The following ZNF782 variants were observed in gnomAD, a reference collection of about 807,000 sequenced individuals.
The protein encoded by ZNF782 is zinc finger protein 782.
Under a neutral mutation model 13.0 loss-of-function variants are expected in ZNF782, and 12 were observed. The observed-to-expected ratio is 0.92, with a 90% confidence interval of 0.59 to 1.50. The LOEUF (loss-of-function observed/expected upper bound fraction) is 1.50, where lower values mean the gene tolerates loss of function less well. Ranked by LOEUF, ZNF782 falls within the 40% of genes most tolerant of loss-of-function variation. The pLI, the probability that ZNF782 is intolerant of heterozygous loss-of-function variation, is 0.00. For synonymous variants in ZNF782, 284 were observed against 283.0 expected, an observed-to-expected ratio of 1.00 and a Z score of -0.04; for missense variants, 770 against 822.9, an observed-to-expected ratio of 0.94 and a Z score of 0.79.
upstream of ZNF782, among the ~76,000 whole-genome samples, chr9:96,880,347 T>A (rs1851947639): frequency 6.6e-6 from 1 of 152,234 alleles, no homozygotes; most frequent in African/African-American, 2.4e-5. Context: ...TCAGACACAC[T>A]TGCCTTGGTC....
At chr9:96,837,073 C>T (rs1193453810) in intron 4 of ZNF782, among the ~76,000 whole-genome samples, 2 of 152,196 alleles carry the variant, frequency 1.3e-5, no homozygotes, top group African/African-American at 4.8e-5. Flanking sequence ...ACAAACTGGA[C>T]TGAGACACTC....
chr9:96,847,058 A>G (rs1027827263), intron 3 of ZNF782, among the ~76,000 whole-genome samples: 6 of 152,220 alleles, frequency 3.9e-5, no homozygotes, highest in East Asian at 1.9e-4. Context: ...ATAAAAATAC[A>G]TGGAAATGAA....
intron 4 of ZNF782, among the ~76,000 whole-genome samples, chr9:96,834,311 C>T (rs1438862196): frequency 6.6e-6 from 1 of 152,182 alleles, no homozygotes; most frequent in Non-Finnish European, 1.5e-5. Flanking sequence ...CATTCTCTCT[C>T]CTGCTGCCCT....
chr9:96,882,842 T>C, the ZNF782 span, among the ~76,000 whole-genome samples: 1 of 152,244 alleles, frequency 6.6e-6, no homozygotes, highest in Non-Finnish European at 1.5e-5. Flanking sequence ...GCTGAAGTTT[T>C]TCTTCACCTT....
rs1224077856 is a variant in ZNF782 at position 96,851,987 on chromosome 9, G to C, written c.-26C>G. The C allele has an allele frequency of 5.6e-6, 9 of 1,613,344 alleles. No homozygotes were observed. The highest frequency in any genetic ancestry group is 7.6e-6 in the Non-Finnish European group (9 of 1,179,448). On this transcript the variant is annotated 5_prime_UTR_variant, in exon 3 of 6. Transcript: ENST00000481138. The stretch of plus-strand genomic sequence containing the variant: ...TTTCTGTGGCTCTTGGGAGAGTATA[G>C]AGAACTGTAAAGCCTCAGCTGGGGG...
the ZNF782 span, among the ~76,000 whole-genome samples, chr9:96,908,243 C>T: frequency 4.0e-4 from 60 of 149,084 alleles, 1 homozygote; most frequent in East Asian, 1.8e-3. Flanking sequence ...AATCATGGCT[C>T]GCTGCAGCCT....
chr9:96,894,204 GA>G, the ZNF782 span: 1 of 152,114 alleles, frequency 6.6e-6, no homozygotes, highest in African/African-American at 2.4e-5. Flanking sequence ...GGGATGGGAA[GA>G]GGGGGGAAGG....
chr9:96,835,964 C>A (rs1260012507), intron 4 of ZNF782, among the ~76,000 whole-genome samples: 4 of 152,188 alleles, frequency 2.6e-5, no homozygotes, highest in African/African-American at 9.7e-5. Context: ...CAGTAGCATG[C>A]AATCTCAGTC....
At chr9:96,857,680 A>T (rs1486521654), upstream of ZNF782, among the ~76,000 whole-genome samples, 1 of 152,204 alleles carries the variant, frequency 6.6e-6, no homozygotes, top group Non-Finnish European at 1.5e-5. Flanking sequence ...CTCTGAGAAC[A>T]TTTAATCTGA....
chr9:96,844,331 G>GA (rs1158164135), intron 4 of ZNF782, among the ~76,000 whole-genome samples: 2 of 152,072 alleles, frequency 1.3e-5, no homozygotes, highest in South Asian at 2.1e-4. Context: ...CACCAACTGG[G>GA]AAAAAATTCC....
chr9:96,895,877 TA>T, the ZNF782 span: 1 of 152,196 alleles, frequency 6.6e-6, no homozygotes, highest in East Asian at 1.9e-4. Context: ...AATTACGCTA[TA>T]AAGTGGAAGC....
chr9:96,834,282 TC>T (rs896097508), intron 4 of ZNF782, among the ~76,000 whole-genome samples: 1 of 152,166 alleles, frequency 6.6e-6, no homozygotes, highest in African/African-American at 2.4e-5. Flanking sequence ...ATAATGGGCT[TC>T]CCCCTTCACT....
upstream of ZNF782, among the ~76,000 whole-genome samples, chr9:96,876,943 C>CA (rs398011569): frequency 0.016 from 691 of 42,824 alleles, 53 homozygotes; most frequent in Middle Eastern, 0.029. Context: ...AACTCCGACT[C>CA]AAAAAAAAAA....
At chr9:96,870,687 A>G (rs1000642454) in intron 1 of ZNF782, among the ~76,000 whole-genome samples, 13 of 152,236 alleles carry the variant, frequency 8.5e-5, no homozygotes, top group Admixed American at 7.8e-4. Context: ...TTTAGATTTT[A>G]AAGATAACTT....
intron 1 of ZNF782, among the ~76,000 whole-genome samples, chr9:96,871,057 A>G (rs1203812363): frequency 6.6e-6 from 1 of 152,150 alleles, no homozygotes; most frequent in African/African-American, 2.4e-5. Context: ...TCATTTGCTG[A>G]TAAATTTTCT....
In ZNF782 at chr9:96,830,558, C is replaced by G. The variant is rs145454685; in HGVS notation, c.143-3377G>C. Among the ~76,000 whole-genome samples the G allele has an allele frequency of 3.9e-5, 6 of 152,272 alleles. No homozygotes were observed. The East Asian group carries it at 1.2e-3, about 29-fold the overall frequency. On this transcript the variant is annotated intron_variant, in intron 4 of 5. Transcript: ENST00000481138. The stretch of plus-strand genomic sequence containing the variant: ...CTGAGTAGGAAACCTGGACTTTCAG[C>G]CCACCTTTTAATAATAAGGCAGCAC...
chr9:96,856,799 C>T (rs2296812), upstream of ZNF782, among the ~76,000 whole-genome samples: 15,141 of 152,208 alleles, frequency 0.099, 1,006 homozygotes, highest in Admixed American at 0.19. Context: ...ACCTTAAAAC[C>T]AACAGAATTG....
chr9:96,917,725 C>T, the ZNF782 span, among the ~76,000 whole-genome samples: 5 of 151,602 alleles, frequency 3.3e-5, no homozygotes, highest in South Asian at 8.3e-4. Context: ...CCACCGTGCC[C>T]GACCAGAAAT....
the ZNF782 span, among the ~76,000 whole-genome samples, chr9:96,916,096 C>T: frequency 6.6e-6 from 1 of 151,950 alleles, no homozygotes; most frequent in African/African-American, 2.4e-5. Flanking sequence ...CTGCATCATA[C>T]TTGCACTTAA....
Sources: allele counts gnomAD v4.1 joint callset (sites outside exome capture counted in the v4.1 genomes callset), GRCh38; gene constraint gnomAD v4.1.1; transcripts MANE v1.5; gene names NCBI Gene and HGNC (gene_info 2026-07-23, HGNC 2026-07-21).